The following CAND1 variants were observed in gnomAD, a reference collection of about 807,000 sequenced individuals.
CAND1 encodes the protein cullin-associated NEDD8-dissociated protein 1.
CAND1 carries 7 observed loss-of-function variants against 108.5 expected under a neutral mutation model. The observed-to-expected ratio is 0.06, with a 90% confidence interval of 0.04 to 0.12. The LOEUF (loss-of-function observed/expected upper bound fraction) is 0.12. CAND1 is among the 10% of genes least tolerant of loss of function. The pLI is 1.00. For missense variants in CAND1, 941 were observed against 1,448.7 expected (o/e 0.65, Z 5.69); for synonymous variants, 534 against 512.0 (o/e 1.04, Z -0.58).
chr12:67,269,862 C>A (rs1482880884), intron 1 of CAND1, 77 bp downstream of exon 1: 7 of 1,289,754 alleles, frequency 5.4e-6, no homozygotes, highest in Admixed American at 2.0e-5. Flanking sequence ...AGGCCTTGCC[C>A]CACCCCTTCG....
At chr12:67,274,434 T>G (rs1446029726) in intron 1 of CAND1, among the ~76,000 whole-genome samples, 1 of 152,180 alleles carries the variant, frequency 6.6e-6, no homozygotes, top group East Asian at 1.9e-4. Context: ...AAAACTTCAC[T>G]GGGGAAGAGG....
At chr12:67,277,654 G>C (rs1174436572) in intron 1 of CAND1, among the ~76,000 whole-genome samples, 1 of 152,168 alleles carries the variant, frequency 6.6e-6, no homozygotes, top group African/African-American at 2.4e-5. Context: ...AGCTGGGAAT[G>C]TATGTGTTGG....
At chr12:67,288,269 C>T (rs2044691060) in intron 2 of CAND1, among the ~76,000 whole-genome samples, 1 of 151,656 alleles carries the variant, frequency 6.6e-6, no homozygotes, top group Non-Finnish European at 1.5e-5. Context: ...ACTGTGGTTA[C>T]AGGCGCACAC....
intron 1 of CAND1, among the ~76,000 whole-genome samples, chr12:67,272,795 C>G (rs911744587): frequency 2.0e-5 from 3 of 152,140 alleles, no homozygotes; most frequent in African/African-American, 7.2e-5. Context: ...CTCCCAGGTT[C>G]AAGCAACTCC....
chr12:67,274,556 G>A (rs891592443), intron 1 of CAND1, among the ~76,000 whole-genome samples: 1 of 152,172 alleles, frequency 6.6e-6, no homozygotes, highest in Admixed American at 6.5e-5. Flanking sequence ...TGGGCCATGT[G>A]GGTTCTCAGT....
At chr12:67,301,542 C>T (rs1259745464) in intron 7 of CAND1, among the ~76,000 whole-genome samples, 1 of 152,106 alleles carries the variant, frequency 6.6e-6, no homozygotes, top group Non-Finnish European at 1.5e-5. Context: ...AGATTTCACA[C>T]ACATGTTATC....
chr12:67,269,422 G>C lies in CAND1; in HGVS notation c.-296G>C, dbSNP rs2044493458. ...AGACGGCCCTGAGTGGAAGTGTCTG[G>C]CTCCCCGTAGAGGCCCTTCTGTACG... On this transcript the variant is annotated 5_prime_UTR_variant, in exon 1 of 15. Transcript: ENST00000545606. The C allele has an allele frequency of 1.2e-5, 5 of 423,192 alleles. No individual in the cohort carries two copies. The allele number at this position is 423,192 out of a possible 1,614,324, so 26.2% of individuals were successfully genotyped here.
rs545316240 is a variant in CAND1 at position 67,304,182 on chromosome 12, G to T, written c.1294-423G>T. Among the ~76,000 whole-genome samples the T allele has an allele frequency of 3.9e-5, 6 of 152,022 alleles. No homozygotes were observed. The South Asian group carries it at 1.2e-3, about 32-fold the overall frequency. ...TTTTTGTATTTTTAATAGAGACAGG[G>T]TTTCACCATGTTGGCCAGAATGGTC... On this transcript the variant is annotated intron_variant, in intron 8 of 14. Transcript: ENST00000545606.
intron 8 of CAND1, among the ~76,000 whole-genome samples, chr12:67,304,070 A>G (rs1302232769): frequency 1.3e-5 from 2 of 148,892 alleles, no homozygotes; most frequent in African/African-American, 5.0e-5. Context: ...GCTCACTGCA[A>G]CCTCCGCCTC....
intron 4 of CAND1, among the ~76,000 whole-genome samples, chr12:67,296,999 T>C (rs1209513885): frequency 6.6e-6 from 1 of 152,034 alleles, no homozygotes; most frequent in Non-Finnish European, 1.5e-5. Flanking sequence ...GGTTTTGCCA[T>C]GTTGCCCAGG....
Position 67,302,553 on chromosome 12 carries a change from T to C in CAND1, c.1231T>C (p.Trp411Arg), listed in dbSNP as rs1284319962. The C allele has an allele frequency of 6.2e-7, 1 of 1,614,124 alleles. No homozygotes were observed. Among genetic ancestry groups the C allele is most frequent in the East Asian group, 2.2e-5 (1 of 44,880 alleles). ...LLKQTRPVQS[W>R]LCDPDAMEQG... is the part of the protein sequence containing the mutation. ...GAAGCAAACTCGTCCTGTACAAAGT[T>C]GGCTATGTGACCCTGATGCAATGGA... The change falls in exon 8 of 15, where the codon TGG (tryptophan) becomes CGG (arginine). Residue 411 changes from tryptophan to arginine, a missense_variant. Transcript: ENST00000545606.
intron 6 of CAND1, among the ~76,000 whole-genome samples, chr12:67,298,070 AT>A (rs773206535): frequency 2.4e-4 from 36 of 152,176 alleles, no homozygotes; most frequent in Non-Finnish European, 4.4e-4. Context: ...TATTTAAAGA[AT>A]TTTGGAAAGG....
intron 8 of CAND1, among the ~76,000 whole-genome samples, chr12:67,303,132 T>A (rs903971691): frequency 6.6e-6 from 1 of 152,236 alleles, no homozygotes; most frequent in South Asian, 2.1e-4. Context: ...TTTTTTCACT[T>A]GAGGGCATTT....
intron 1 of CAND1, among the ~76,000 whole-genome samples, chr12:67,279,915 G>T (rs1032988201): frequency 2.6e-5 from 4 of 152,136 alleles, no homozygotes; most frequent in Non-Finnish European, 4.4e-5. Context: ...AACTATTATG[G>T]TTATTTAATG....
At chr12:67,279,507 G>C (rs2044600728) in intron 1 of CAND1, among the ~76,000 whole-genome samples, 1 of 152,132 alleles carries the variant, frequency 6.6e-6, no homozygotes, top group South Asian at 2.1e-4. Flanking sequence ...CCATTTAAAA[G>C]CAACTCTTGG....
At chr12:67,277,141 C>G (rs2044577244) in intron 1 of CAND1, among the ~76,000 whole-genome samples, 2 of 152,170 alleles carry the variant, frequency 1.3e-5, no homozygotes, top group Non-Finnish European at 2.9e-5. Context: ...TATATCTAAT[C>G]CATTTTGAAG....
rs12580996 is a variant in CAND1 at position 67,306,076 on chromosome 12, T to C, written c.2408T>C (p.Val803Ala). The change falls in exon 10 of 15, where the codon GTA (valine) becomes GCA (alanine). Residue 803 changes from valine (V) to alanine (A), a missense_variant. Val to Ala is a moderately conservative substitution (Grantham distance 64). This residue lies in a region of CAND1 where 697 missense variants were observed against 942.0 expected (regional missense o/e 0.74). Coordinates refer to ENST00000545606, the MANE Select transcript of CAND1 (RefSeq NM_018448.5). ...KQSYYSIAKC[V>A]AALTRACPKE... is the part of the protein sequence containing the mutation. ...TCTTATTATTCCATTGCCAAATGTG[T>C]AGCTGCCCTTACTCGAGCATGCCCT... 4.7e-5 allele frequency: 76 copies of C among 1,614,134 alleles called. No individual in the cohort carries two copies. In the East Asian group the frequency reaches 1.2e-3, roughly 27 times the overall value.
chr12:67,314,095 G>A lies in CAND1; in HGVS notation c.*1265G>A, dbSNP rs2044983300. ...TAGCCTCTTCCTTAAAATTTGTGGT[G>A]CTCCTGTAACAGTAAGAACTAATTC... is the stretch of plus-strand genomic sequence containing the variant. On this transcript the variant is annotated 3_prime_UTR_variant, in exon 15 of 15. Coordinates refer to ENST00000545606, the MANE Select transcript of CAND1 (RefSeq NM_018448.5). 3 of 152,150 alleles carry A rather than the reference G, an allele frequency of 2.0e-5. No homozygotes were observed. The highest frequency in any genetic ancestry group is 2.0e-4 in the Admixed American group (3 of 15,256). The allele number at this position is 152,150 out of a possible 1,614,324, so 9.4% of individuals were successfully genotyped here. A position where few individuals can be genotyped will look rare whatever the true frequency, so the allele number is the denominator to read the frequency against.
At chr12:67,284,860 A>C (rs368831126) in intron 2 of CAND1, among the ~76,000 whole-genome samples, 1 of 93,082 alleles carries the variant, frequency 1.1e-5, no homozygotes, top group Non-Finnish European at 2.6e-5. Context: ...GTCAGGGACA[A>C]GGCAAATATG....
Sources: allele counts gnomAD v4.1 joint callset (sites outside exome capture counted in the v4.1 genomes callset), GRCh38; gene constraint gnomAD v4.1.1; regional missense constraint gnomAD v4.1.1; transcripts MANE v1.5; gene names NCBI Gene and HGNC (gene_info 2026-07-23, HGNC 2026-07-21).